The following TSHZ2 variants were observed in gnomAD, a reference collection of about 807,000 sequenced individuals.
The protein encoded by TSHZ2 is teashirt zinc finger homeobox 2, also known as teashirt homolog 2.
A neutral mutation model predicts 74.4 loss-of-function variants in TSHZ2; 21 were observed. The ratio of observed to expected loss-of-function variants is 0.28; its 90% CI spans 0.20 to 0.41. The LOEUF is 0.41. Ranked by LOEUF, TSHZ2 falls within the 10% of genes least tolerant of loss-of-function variation. The pLI, the probability that TSHZ2 is intolerant of heterozygous loss-of-function variation, is 1.00. For missense variants in TSHZ2, 1,244 were observed against 1,293.5 expected (o/e 0.96, Z 0.59); for synonymous variants, 540 against 515.3 (o/e 1.05, Z -0.65).
intron 2 of TSHZ2, among the ~76,000 whole-genome samples, chr20:53,320,512 T>C (rs1159893903): frequency 4.6e-5 from 7 of 152,142 alleles, no homozygotes; most frequent in Admixed American, 3.9e-4. Flanking sequence ...GTCATATTTG[T>C]CATTAAAAAG....
chr20:53,461,469 C>T (rs577224029), intron 2 of TSHZ2: 1 of 153,188 alleles, frequency 6.5e-6, no homozygotes, highest in South Asian at 2.1e-4. Context: ...AACCCAGTAC[C>T]TCAGATGGAA....
intron 2 of TSHZ2, among the ~76,000 whole-genome samples, chr20:53,258,318 T>C (rs1345339598): frequency 6.6e-6 from 1 of 152,142 alleles, no homozygotes; most frequent in Non-Finnish European, 1.5e-5. Context: ...CTGCATAACA[T>C]TTTAAATCTT....
intron 2 of TSHZ2, among the ~76,000 whole-genome samples, chr20:53,350,348 A>T (rs972877444): frequency 3.3e-5 from 5 of 152,200 alleles, no homozygotes; most frequent in Non-Finnish European, 7.3e-5. Context: ...ACAGAAAAAC[A>T]ATGTGGAGTT....
intron 1 of TSHZ2, among the ~76,000 whole-genome samples, chr20:53,166,506 C>T (rs1374336683): frequency 1.3e-5 from 2 of 152,096 alleles, no homozygotes; most frequent in Admixed American, 6.5e-5. Context: ...AGTGGTGGCT[C>T]ATGCATGTAA....
At chr20:53,212,834 C>T (rs1463792012) in intron 1 of TSHZ2, among the ~76,000 whole-genome samples, 2 of 152,114 alleles carry the variant, frequency 1.3e-5, no homozygotes, top group African/African-American at 4.8e-5. Flanking sequence ...TCTTATTTTT[C>T]AGAATTGGCT....
chr20:53,129,752 G>T (rs754098061), intron 1 of TSHZ2, among the ~76,000 whole-genome samples: 1 of 152,054 alleles, frequency 6.6e-6, no homozygotes, highest in Non-Finnish European at 1.5e-5. Flanking sequence ...GTGGCTCTGC[G>T]TGTCTTCTCC....
chr20:53,086,846 C>G (rs991584178), intron 1 of TSHZ2, among the ~76,000 whole-genome samples: 6 of 152,068 alleles, frequency 3.9e-5, no homozygotes, highest in Admixed American at 3.9e-4. Context: ...ATGAACCAAT[C>G]AAATGTTCTT....
At chr20:53,144,514 G>A (rs1039880044) in intron 1 of TSHZ2, among the ~76,000 whole-genome samples, 10 of 152,078 alleles carry the variant, frequency 6.6e-5, no homozygotes, top group East Asian at 1.9e-4. Context: ...AACAGCAAAC[G>A]CTTATACAAT....
At chr20:53,456,377 T>A (rs1190769036) in intron 2 of TSHZ2, among the ~76,000 whole-genome samples, 2 of 149,270 alleles carry the variant, frequency 1.3e-5, no homozygotes, top group African/African-American at 4.9e-5. Flanking sequence ...AAGTGTCTGT[T>A]CATGTCCTTC....
intron 1 of TSHZ2, among the ~76,000 whole-genome samples, chr20:53,107,812 T>C (rs908050090): frequency 6.6e-6 from 1 of 152,188 alleles, no homozygotes; most frequent in Non-Finnish European, 1.5e-5. Flanking sequence ...ATTTGTTGAT[T>C]TGAATTCTTC....
At chr20:52,990,146 T>G (rs541563529) in intron 1 of TSHZ2, among the ~76,000 whole-genome samples, 61 of 152,258 alleles carry the variant, frequency 4.0e-4, no homozygotes, top group African/African-American at 1.4e-3. Flanking sequence ...AAGTAATTTA[T>G]GTGGAGAAGA....
intron 2 of TSHZ2, among the ~76,000 whole-genome samples, chr20:53,296,753 A>C (rs904232518): frequency 3.3e-5 from 5 of 152,198 alleles, no homozygotes; most frequent in African/African-American, 1.2e-4. Context: ...TTCCCTGTTC[A>C]AGGCAGTTGA....
chr20:53,399,341 T>C (rs1568900583), intron 2 of TSHZ2: 1 of 152,168 alleles, frequency 6.6e-6, no homozygotes, highest in Admixed American at 6.5e-5. Flanking sequence ...ATCTGACTCA[T>C]GTTGGTGGCG....
intron 1 of TSHZ2, among the ~76,000 whole-genome samples, chr20:53,117,297 A>G (rs140933300): frequency 1.3e-5 from 2 of 152,372 alleles, no homozygotes; most frequent in Admixed American, 6.5e-5. Flanking sequence ...AACATATGGC[A>G]TATCTTCCTT....
At chr20:53,469,500 C>T (rs919609654) in intron 2 of TSHZ2, among the ~76,000 whole-genome samples, 48 of 151,074 alleles carry the variant, frequency 3.2e-4, no homozygotes, top group Admixed American at 1.1e-3. Flanking sequence ...GCCGAGATCA[C>T]GCCACTGCAC....
At chr20:53,096,722 A>C (rs193000996) in intron 1 of TSHZ2, among the ~76,000 whole-genome samples, 17 of 152,000 alleles carry the variant, frequency 1.1e-4, no homozygotes, top group African/African-American at 3.9e-4. Context: ...TCTCTACTAA[A>C]AATACAAAAC....
chr20:53,136,901 C>G (rs565068819), intron 1 of TSHZ2, among the ~76,000 whole-genome samples: 37 of 151,966 alleles, frequency 2.4e-4, no homozygotes, highest in African/African-American at 8.7e-4. Context: ...ATCCATTTTC[C>G]CCTTCTTTCT....
At chr20:53,317,382 C>CA (rs1361583125) in intron 2 of TSHZ2, among the ~76,000 whole-genome samples, 1 of 152,110 alleles carries the variant, frequency 6.6e-6, no homozygotes, top group Non-Finnish European at 1.5e-5. Context: ...GCTCTGCAGT[C>CA]AAAAATATTG....
chr20:53,052,701 G>GGACA (rs1412363473), intron 1 of TSHZ2, among the ~76,000 whole-genome samples: 3 of 152,254 alleles, frequency 2.0e-5, no homozygotes, highest in Admixed American at 2.0e-4. Context: ...ATCTGTTGAT[G>GGACA]GACACATGGG....
Sources: allele counts gnomAD v4.1 joint callset (sites outside exome capture counted in the v4.1 genomes callset), GRCh38; gene constraint gnomAD v4.1.1; transcripts MANE v1.5; gene names NCBI Gene and HGNC (gene_info 2026-07-23, HGNC 2026-07-21).